Variants in DIAPH3 observed in about 807,000 individuals in gnomAD.
DIAPH3 encodes protein diaphanous homolog 3.
In DIAPH3, 117 loss-of-function variants were observed where a neutral mutation model predicts 144.3. The observed-to-expected ratio is 0.81, with a 90% confidence interval of 0.70 to 0.95. DIAPH3 has a LOEUF of 0.95. DIAPH3 is among the 40% of genes least tolerant of loss of function. The pLI is 0.00. For missense variants in DIAPH3, 1,421 were observed against 1,412.7 expected (o/e 1.01, Z -0.09); for synonymous variants, 519 against 488.9 (o/e 1.06, Z -0.81).
intron 27 of DIAPH3, among the ~76,000 whole-genome samples, chr13:59,759,746 C>A (rs1339893446): frequency 6.6e-6 from 1 of 152,054 alleles, no homozygotes; most frequent in Non-Finnish European, 1.5e-5. Context: ...GAGTTCGAGA[C>A]CAGCCTGGCC....
chr13:60,137,651 G>T (rs1319293323), intron 1 of DIAPH3, among the ~76,000 whole-genome samples: 1 of 151,870 alleles, frequency 6.6e-6, no homozygotes, highest in Non-Finnish European at 1.5e-5. Context: ...AAGCCAGTAG[G>T]CTTGCATCAA....
intron 17 of DIAPH3, among the ~76,000 whole-genome samples, chr13:59,952,180 T>C (rs1470280587): frequency 2.0e-5 from 3 of 152,066 alleles, no homozygotes; most frequent in Non-Finnish European, 4.4e-5. Context: ...TCCACTGATA[T>C]GAAACATCCA....
chr13:60,097,950 C>T (rs1313157104), intron 3 of DIAPH3, among the ~76,000 whole-genome samples: 3 of 151,936 alleles, frequency 2.0e-5, no homozygotes, highest in African/African-American at 7.3e-5. Context: ...CTGGGGGTCA[C>T]GAAGTCCTTA....
chr13:59,985,034 GACC>G, intron 12 of DIAPH3, among the ~76,000 whole-genome samples: 1 of 127,986 alleles, frequency 7.8e-6, no homozygotes, highest in Middle Eastern at 3.9e-3. Flanking sequence ...GAGAATTTTA[GACC>G]AATATCCTTG....
intron 5 of DIAPH3, among the ~76,000 whole-genome samples, chr13:60,038,851 A>G (rs1199554076): frequency 7.3e-6 from 1 of 136,488 alleles, no homozygotes; most frequent in Non-Finnish European, 1.6e-5. Flanking sequence ...TGCTATATGC[A>G]TAGATGAGTA....
intron 17 of DIAPH3, among the ~76,000 whole-genome samples, chr13:59,942,084 C>A (rs1245726986): frequency 6.6e-6 from 1 of 152,134 alleles, no homozygotes; most frequent in Non-Finnish European, 1.5e-5. Flanking sequence ...TATGATTTTT[C>A]ACTTCATCAA....
chr13:59,904,917 CATA>C (rs1202497112), intron 20 of DIAPH3, among the ~76,000 whole-genome samples: 4 of 151,912 alleles, frequency 2.6e-5, no homozygotes, highest in African/African-American at 9.7e-5. Context: ...CCAATAAATA[CATA>C]ATAACTGCTT....
rs1419808515 is a variant in DIAPH3 at position 59,983,862 on chromosome 13, C to T, written c.1387G>A (p.Glu463Lys). The T allele has an allele frequency of 3.7e-6, 6 of 1,607,716 alleles. No homozygotes were observed. Among genetic ancestry groups the T allele is most frequent in the Non-Finnish European group, 3.4e-6 (4 of 1,175,476 alleles). ...TGCAATACAATCTGGGATACACACT[C>T]ATCAATTAATTTGAAGTATTGTTGC... The part of the protein sequence containing the change: ...IRQQYFKLID[E>K]CVSQIVLHRD... Residue 463 changes from glutamate (E) to lysine (K), a missense_variant, in exon 13 of 28, where the codon GAG becomes AAG. Transcript: ENST00000400324.
At chr13:59,687,832 G>A (rs7985636) in intron 27 of DIAPH3, among the ~76,000 whole-genome samples, 3,604 of 152,026 alleles carry the variant, frequency 0.024, 137 homozygotes, top group African/African-American at 0.082. Flanking sequence ...TTGCTGAGAT[G>A]GTAATTAAAA....
chr13:60,015,843 C>T, intron 7 of DIAPH3, 70 bp downstream of exon 7: 1 of 1,347,032 alleles, frequency 7.4e-7, no homozygotes, highest in Non-Finnish European at 1.1e-6. Flanking sequence ...TTTACCATCA[C>T]TTTACTGCAA....
chr13:59,837,246 A>G (rs2042086136), intron 23 of DIAPH3, among the ~76,000 whole-genome samples: 1 of 152,054 alleles, frequency 6.6e-6, no homozygotes, highest in Non-Finnish European at 1.5e-5. Flanking sequence ...TTTCTTGTCC[A>G]TGGAGTATAA....
intron 4 of DIAPH3, among the ~76,000 whole-genome samples, chr13:60,074,286 G>A (rs1406113478): frequency 6.6e-6 from 1 of 152,158 alleles, no homozygotes; most frequent in Non-Finnish European, 1.5e-5. Context: ...GCTCTCTGAA[G>A]TGCTATAGAC....
At chr13:59,869,731 C>A (rs2044142109) in intron 21 of DIAPH3, among the ~76,000 whole-genome samples, 1 of 152,134 alleles carries the variant, frequency 6.6e-6, no homozygotes, top group South Asian at 2.1e-4. Flanking sequence ...GTCAATATAC[C>A]AGAATAGCAT....
At chr13:60,002,093 C>G (rs190890086) in intron 9 of DIAPH3, among the ~76,000 whole-genome samples, 1 of 152,120 alleles carries the variant, frequency 6.6e-6, no homozygotes, top group Non-Finnish European at 1.5e-5. Context: ...ATTAACACCT[C>G]GGGCCAAGTG....
chr13:59,923,960 G>A (rs2047639715), intron 18 of DIAPH3, among the ~76,000 whole-genome samples: 1 of 152,116 alleles, frequency 6.6e-6, no homozygotes, highest in African/African-American at 2.4e-5. Flanking sequence ...TCTCGCTGAA[G>A]AACTGTTTTA....
At chr13:60,067,868 C>T (rs750379313) in intron 4 of DIAPH3, among the ~76,000 whole-genome samples, 18 of 152,134 alleles carry the variant, frequency 1.2e-4, no homozygotes, top group Middle Eastern at 3.4e-3. Flanking sequence ...GGTATATATA[C>T]GCTTCTGTAT....
intron 9 of DIAPH3, among the ~76,000 whole-genome samples, chr13:60,007,378 C>T (rs2140929125): frequency 8.0e-6 from 1 of 125,300 alleles, no homozygotes; most frequent in South Asian, 2.7e-4. Context: ...CATTTGTTTA[C>T]TTTTAATTTT....
At chr13:60,091,607 A>G (rs1055218636) in intron 4 of DIAPH3, among the ~76,000 whole-genome samples, 15 of 152,136 alleles carry the variant, frequency 9.9e-5, no homozygotes, top group African/African-American at 3.6e-4. Flanking sequence ...CTTAAAAAAC[A>G]ACAACTAAAA....
At chr13:60,098,524 C>T (rs2058174303) in intron 3 of DIAPH3, among the ~76,000 whole-genome samples, 1 of 151,886 alleles carries the variant, frequency 6.6e-6, no homozygotes, top group African/African-American at 2.4e-5. Flanking sequence ...ACCTACTATA[C>T]CATCTGAAAA....
Sources: gnomAD v4.1 joint callset for allele counts (sites outside exome capture counted in the v4.1 genomes callset) on GRCh38, gnomAD v4.1.1 for gene constraint, MANE v1.5 for transcripts, NCBI Gene and HGNC (gene_info 2026-07-23, HGNC 2026-07-21) for gene names.